GALNT13: variants seen among roughly 807,000 people sequenced by gnomAD.
GALNT13 encodes UDP-GalNAc:polypeptide N-acetylgalactosaminyltransferase 13.
A neutral mutation model predicts 64.2 loss-of-function variants in GALNT13; 28 were observed. The ratio of observed to expected loss-of-function variants is 0.44; its 90% confidence interval spans 0.32 to 0.60. GALNT13 has a LOEUF of 0.60. Among genes scored for constraint, GALNT13 ranks in the 20% least tolerant of loss-of-function variants. GALNT13 has a pLI of 0.05. For synonymous variants in GALNT13, 214 were observed against 224.6 expected (o/e 0.95, Z 0.42); for missense variants, 577 against 669.8 (o/e 0.86, Z 1.53).
At chr2:153,255,807 T>C in the GALNT13 span, among the ~76,000 whole-genome samples, 1 of 152,242 alleles carries the variant, frequency 6.6e-6, no homozygotes, top group Non-Finnish European at 1.5e-5. Flanking sequence ...CACTCTCTTC[T>C]GGCTGGTAGA....
At chr2:153,332,997 G>A in the GALNT13 span, among the ~76,000 whole-genome samples, 4 of 152,180 alleles carry the variant, frequency 2.6e-5, no homozygotes, top group Admixed American at 2.6e-4. Context: ...TAATAGGGAA[G>A]AGCACAATTC....
At chr2:153,710,108 A>G in the GALNT13 span, among the ~76,000 whole-genome samples, 1 of 152,082 alleles carries the variant, frequency 6.6e-6, no homozygotes, top group Non-Finnish European at 1.5e-5. Context: ...ACATTTCAAA[A>G]CTGCTATGAG....
chr2:153,321,781 C>T, the GALNT13 span, among the ~76,000 whole-genome samples: 1 of 152,088 alleles, frequency 6.6e-6, no homozygotes, highest in Non-Finnish European at 1.5e-5. Context: ...AGCCTCAGGG[C>T]AGTACATGCA....
At chr2:153,970,866 A>C (rs1268217785) in intron 3 of GALNT13, among the ~76,000 whole-genome samples, 1 of 152,100 alleles carries the variant, frequency 6.6e-6, no homozygotes, top group Non-Finnish European at 1.5e-5. Context: ...ACTTTCTTTA[A>C]AGTATATTTA....
the GALNT13 span, among the ~76,000 whole-genome samples, chr2:153,214,538 A>T: frequency 6.6e-6 from 1 of 152,220 alleles, no homozygotes; most frequent in African/African-American, 2.4e-5. Context: ...ATGTTGTCAC[A>T]AGCAATTACA....
chr2:153,857,810 C>T, the GALNT13 span, among the ~76,000 whole-genome samples: 1 of 152,112 alleles, frequency 6.6e-6, no homozygotes, highest in Non-Finnish European at 1.5e-5. Flanking sequence ...CCTGAGCAAA[C>T]TATATAACTC....
At chr2:153,507,276 T>C in the GALNT13 span, among the ~76,000 whole-genome samples, 14,132 of 151,992 alleles carry the variant, frequency 0.093, 703 homozygotes, top group Middle Eastern at 0.16. Flanking sequence ...CTTCTTTCTT[T>C]CCTTCTTTTT....
At chr2:153,803,139 C>T in the GALNT13 span, among the ~76,000 whole-genome samples, 1 of 152,118 alleles carries the variant, frequency 6.6e-6, no homozygotes, top group Non-Finnish European at 1.5e-5. Flanking sequence ...TCAGTGTTCC[C>T]CTCAGGACCA....
At chr2:154,098,249 G>T (rs1702174115) in intron 3 of GALNT13, among the ~76,000 whole-genome samples, 1 of 151,870 alleles carries the variant, frequency 6.6e-6, no homozygotes. Flanking sequence ...TGGTTATGAG[G>T]TTAACATCTC....
At chr2:153,562,087 T>TGTGA in the GALNT13 span, among the ~76,000 whole-genome samples, 1 of 150,526 alleles carries the variant, frequency 6.6e-6, no homozygotes, top group South Asian at 2.1e-4. Context: ...TGTGTGTGTG[T>TGTGA]GTGTGTGTGT....
In GALNT13 at chr2:153,877,289, C is replaced by T. The variant is rs545827862; in HGVS notation, c.-177+4986C>T. Reference sequence around the variant, plus strand: ...ACATGAAGAGGAATTAATTGGGACTCTGTTTCATATATTCCACTACATTGA... The same window carrying T: ...ACATGAAGAGGAATTAATTGGGACTTTGTTTCATATATTCCACTACATTGA... On this transcript the variant is annotated intron_variant, in intron 1 of 12. Transcript: ENST00000392825. Among the ~76,000 whole-genome samples the T allele has an allele frequency of 3.2e-4, 49 of 152,152 alleles. No individual in the cohort carries two copies. The South Asian group carries it at 9.5e-3, about 30-fold the overall frequency.
chr2:154,455,618 A>T (rs1702022327), downstream of GALNT13, among the ~76,000 whole-genome samples: 1 of 152,184 alleles, frequency 6.6e-6, no homozygotes, highest in Non-Finnish European at 1.5e-5. Flanking sequence ...ACATGGACAC[A>T]TCTGTTGTGA....
the GALNT13 span, among the ~76,000 whole-genome samples, chr2:153,386,462 A>G: frequency 6.6e-6 from 1 of 152,188 alleles, no homozygotes; most frequent in Non-Finnish European, 1.5e-5. Flanking sequence ...TAACAGACAC[A>G]AACAAGTTGG....
At chr2:153,133,778 T>G in the GALNT13 span, among the ~76,000 whole-genome samples, 1 of 146,614 alleles carries the variant, frequency 6.8e-6, no homozygotes, top group Non-Finnish European at 1.5e-5. Flanking sequence ...AAATGGCCTC[T>G]TCTCGATGAC....
the GALNT13 span, among the ~76,000 whole-genome samples, chr2:153,281,463 G>C: frequency 6.6e-6 from 1 of 152,014 alleles, no homozygotes; most frequent in Non-Finnish European, 1.5e-5. Context: ...CAAATGTGTG[G>C]CTGCTCTATA....
the GALNT13 span, among the ~76,000 whole-genome samples, chr2:153,395,866 T>C: frequency 6.6e-6 from 1 of 152,222 alleles, no homozygotes; most frequent in African/African-American, 2.4e-5. Flanking sequence ...ATAGTATTAC[T>C]GGGTTAAGGG....
At chr2:153,453,318 C>T in the GALNT13 span, among the ~76,000 whole-genome samples, 1 of 152,180 alleles carries the variant, frequency 6.6e-6, no homozygotes, top group East Asian at 1.9e-4. Flanking sequence ...AAACTATCAA[C>T]AGACTAAACA....
chr2:154,021,217 G>C (rs553575441), intron 3 of GALNT13, among the ~76,000 whole-genome samples: 3 of 152,116 alleles, frequency 2.0e-5, no homozygotes, highest in Admixed American at 6.6e-5. Context: ...CTTTAAATTA[G>C]TTTTTTCCAA....
At chr2:154,186,328 TCAAA>T (rs1367821064) in intron 4 of GALNT13, among the ~76,000 whole-genome samples, 9 of 152,226 alleles carry the variant, frequency 5.9e-5, no homozygotes, top group African/African-American at 2.2e-4. Flanking sequence ...AGTTTGCAAT[TCAAA>T]CAATCTCATG....
Sources: allele counts gnomAD v4.1 joint callset (sites outside exome capture counted in the v4.1 genomes callset), GRCh38; gene constraint gnomAD v4.1.1; transcripts MANE v1.5; gene names NCBI Gene and HGNC (gene_info 2026-07-23, HGNC 2026-07-21).